DAB1: variants seen among roughly 807,000 people sequenced by gnomAD.
The protein encoded by DAB1 is DAB adaptor protein 1.
Under a neutral mutation model 64.6 loss-of-function variants are expected in DAB1, and 15 were observed. The observed-to-expected ratio is 0.23, with a 90% confidence interval of 0.16 to 0.36. The LOEUF is 0.36. Ranked by LOEUF, DAB1 falls within the 10% of genes least tolerant of loss-of-function variation. The pLI is 1.00. For synonymous variants in DAB1, 235 were observed against 251.9 expected (o/e 0.93, Z 0.64); for missense variants, 596 against 706.7 (o/e 0.84, Z 1.78).
intron 5 of DAB1, among the ~76,000 whole-genome samples, chr1:58,094,914 C>A (rs1469379831): frequency 2.6e-5 from 4 of 152,188 alleles, no homozygotes; most frequent in Non-Finnish European, 5.9e-5. Context: ...GGTCCAAAGA[C>A]CACACTTAAA....
intron 5 of DAB1, among the ~76,000 whole-genome samples, chr1:58,021,437 A>T (rs1244660059): frequency 6.6e-6 from 1 of 152,254 alleles, no homozygotes; most frequent in East Asian, 1.9e-4. Context: ...AATTTGCTCA[A>T]ATTCACATGG....
intron 5 of DAB1, among the ~76,000 whole-genome samples, chr1:58,058,735 T>C (rs533327086): frequency 6.6e-6 from 1 of 152,364 alleles, no homozygotes; most frequent in Admixed American, 6.5e-5. Context: ...ACTTGGGCTT[T>C]CTGGCAGACA....
At chr1:57,968,278 T>C (rs1256353140) in intron 5 of DAB1, among the ~76,000 whole-genome samples, 1 of 152,138 alleles carries the variant, frequency 6.6e-6, no homozygotes, top group Non-Finnish European at 1.5e-5. Flanking sequence ...ATTAAAACAA[T>C]AGCATCAACA....
rs187692820 is a variant in DAB1 at position 58,013,966 on chromosome 1, T to C, written n.388-129804A>G. 3.9e-3 allele frequency among the ~76,000 whole-genome samples: 595 copies of C among 152,116 alleles called. 7 individuals are homozygous for C. The highest frequency in any genetic ancestry group is 0.013 in the African/African-American group (560 of 41,504). On this transcript the variant is annotated intron_variant and non_coding_transcript_variant, in intron 5 of 20. Transcript: ENST00000485760. ...AGCACACCACTGGTAATAACACTTT[T>C]AGTAATAATAATGGTAGTAGCTATT...
At chr1:58,292,971 T>A (rs1238903412) in intron 4 of DAB1, among the ~76,000 whole-genome samples, 1 of 151,936 alleles carries the variant, frequency 6.6e-6, no homozygotes, top group Admixed American at 6.6e-5. Context: ...AATGGTGAAG[T>A]GGAGACCCAC....
chr1:58,251,887 A>G (rs538412252), intron 4 of DAB1, among the ~76,000 whole-genome samples: 5 of 152,130 alleles, frequency 3.3e-5, no homozygotes, highest in Admixed American at 6.5e-5. Context: ...AGTGTCCCAC[A>G]GTGCTGAATA....
intron 1 of DAB1, among the ~76,000 whole-genome samples, chr1:57,366,587 G>A (rs1239820689): frequency 1.3e-5 from 2 of 152,156 alleles, no homozygotes; most frequent in African/African-American, 4.8e-5. Context: ...TGTTTGAAAA[G>A]TAAATAATAA....
At chr1:57,321,224 A>G (rs889854156) in intron 1 of DAB1, among the ~76,000 whole-genome samples, 1 of 152,306 alleles carries the variant, frequency 6.6e-6, no homozygotes, top group African/African-American at 2.4e-5. Context: ...AATCCAAAAA[A>G]TGTATAGAAG....
intron 6 of DAB1, among the ~76,000 whole-genome samples, chr1:57,724,754 AAAG>A (rs1398449849): frequency 2.6e-5 from 4 of 152,156 alleles, no homozygotes; most frequent in Admixed American, 6.5e-5. Context: ...GCTGGTCAAG[AAAG>A]AAGAAGGGGA....
chr1:58,497,099 T>G (rs1645815444), intron 3 of DAB1, among the ~76,000 whole-genome samples: 1 of 152,136 alleles, frequency 6.6e-6, no homozygotes, highest in Non-Finnish European at 1.5e-5. Flanking sequence ...TTCCCAAAAT[T>G]TAATCTCTAT....
At chr1:57,860,026 T>C (rs534830670) in intron 1 of DAB1, among the ~76,000 whole-genome samples, 2 of 152,318 alleles carry the variant, frequency 1.3e-5, no homozygotes, top group South Asian at 4.1e-4. Context: ...GAACAACACT[T>C]ATTATTGTCC....
At chr1:57,021,669 C>T (rs1344628374) in intron 11 of DAB1, among the ~76,000 whole-genome samples, 1 of 152,212 alleles carries the variant, frequency 6.6e-6, no homozygotes, top group African/African-American at 2.4e-5. Context: ...TCAGGTATGT[C>T]TTTATCAGCA....
intron 2 of DAB1, among the ~76,000 whole-genome samples, chr1:57,176,930 C>T (rs35950418): frequency 1.5e-4 from 17 of 116,474 alleles, no homozygotes; most frequent in African/African-American, 6.8e-4. Flanking sequence ...TTATTTTGAG[C>T]TAAAGGAAGA....
chr1:57,532,023 AGT>A (rs1644668951), intron 7 of DAB1, among the ~76,000 whole-genome samples: 1 of 152,180 alleles, frequency 6.6e-6, no homozygotes, highest in Non-Finnish European at 1.5e-5. Flanking sequence ...AATTTATTTA[AGT>A]GTTGTTTCAT....
At chr1:58,530,419 C>T (rs1442983841) in intron 1 of DAB1, among the ~76,000 whole-genome samples, 1 of 152,124 alleles carries the variant, frequency 6.6e-6, no homozygotes, top group Non-Finnish European at 1.5e-5. Context: ...TGTAGTATTC[C>T]TTAATTTAAA....
chr1:58,369,074 C>T (rs1644241495), intron 3 of DAB1, among the ~76,000 whole-genome samples: 1 of 152,162 alleles, frequency 6.6e-6, no homozygotes, highest in African/African-American at 2.4e-5. Flanking sequence ...ACCTAGCTCC[C>T]TTGCACCTTG....
intron 5 of DAB1, among the ~76,000 whole-genome samples, chr1:58,040,410 A>T (rs1030686971): frequency 2.6e-5 from 4 of 152,170 alleles, no homozygotes; most frequent in Non-Finnish European, 5.9e-5. Flanking sequence ...TCACAGCCCA[A>T]CCCTGGTCTC....
At chr1:57,204,275 C>T (rs774356684) in intron 2 of DAB1, among the ~76,000 whole-genome samples, 51 of 151,908 alleles carry the variant, frequency 3.4e-4, no homozygotes, top group Non-Finnish European at 6.2e-4. Flanking sequence ...CTGCAATTTA[C>T]GTAACTTGGA....
chr1:58,006,099 C>T (rs530690844), intron 5 of DAB1, among the ~76,000 whole-genome samples: 4 of 152,256 alleles, frequency 2.6e-5, no homozygotes, highest in South Asian at 4.1e-4. Context: ...GGGAGTCCCA[C>T]GAAGGCTTGG....
Sources: gnomAD v4.1 joint callset for allele counts (sites outside exome capture counted in the v4.1 genomes callset) on GRCh38, gnomAD v4.1.1 for gene constraint, MANE v1.5 for transcripts, NCBI Gene and HGNC (gene_info 2026-07-23, HGNC 2026-07-21) for gene names.